Variants in ATP6V0E2 observed in about 807,000 individuals in gnomAD.
The protein encoded by ATP6V0E2 is ATPase H+ transporting V0 subunit e2.
ATP6V0E2 carries 4 observed loss-of-function variants against 11.5 expected under a neutral mutation model. The ratio of observed to expected loss-of-function variants is 0.35; its 90% CI spans 0.17 to 0.80. The LOEUF (loss-of-function observed/expected upper bound fraction) is 0.80, where lower values mean the gene tolerates loss of function less well. Among genes scored for constraint, ATP6V0E2 ranks in the 30% least tolerant of loss-of-function variants. ATP6V0E2 has a pLI of 0.53. For missense variants in ATP6V0E2, 93 were observed against 113.5 expected (o/e 0.82, Z 0.82); for synonymous variants, 52 against 51.0 (o/e 1.02, Z -0.09).
In ATP6V0E2 at chr7:149,874,083, C is replaced by T. The variant is rs1259508582; in HGVS notation, c.18C>T (p.Phe6=). Residue 6 remains phenylalanine (F), a synonymous_variant, in exon 1 of 4, where the codon TTC becomes TTT. Transcript: ENST00000425642. The stretch of plus-strand genomic sequence containing the variant: ...GCCCGGCCATGACGGCGCACTCATT[C>T]GCCCTCCCGGTCATCATCTTCACCA... MTAHS[F]ALPVIIFTTF... 2.6e-6 allele frequency: 4 copies of T among 1,549,914 alleles called. No homozygotes were observed. Among genetic ancestry groups the T allele is most frequent in the Non-Finnish European group, 8.7e-7 (1 of 1,146,654 alleles).
rs902960230 is a variant in ATP6V0E2, at chr7:149,879,063, G to C, written c.*20-272G>C. ...ATTTATTTCATGAAAAGAAAAGGTG[G>C]GGAGGGGACTGAACATCAACTCCCT... On this transcript the variant is annotated intron_variant, in intron 3 of 3. Coordinates refer to ENST00000425642, the MANE Select transcript of ATP6V0E2 (RefSeq NM_145230.4). 2.7e-5 allele frequency: 36 copies of C among 1,352,398 alleles called. 1 individual carries two copies. Among genetic ancestry groups the C allele is most frequent in the Middle Eastern group, 2.4e-4 (1 of 4,094 alleles). The allele number at this position is 1,352,398 out of a possible 1,614,324, so 83.8% of individuals were successfully genotyped here.
rs759772681 is a variant in ATP6V0E2 at position 149,879,385 on chromosome 7, C to T, written c.*70C>T. ...GCTCCACTGTCCCTGACAACCCCTTCGTCCGGACCCTCCCCCACACAACTA... is the reference window on the plus strand; with the variant it reads ...GCTCCACTGTCCCTGACAACCCCTTTGTCCGGACCCTCCCCCACACAACTA... On this transcript the variant is annotated 3_prime_UTR_variant, in exon 4 of 4. Transcript: ENST00000425642. 79 of 1,587,454 alleles carry T rather than the reference C, an allele frequency of 5.0e-5. No homozygotes were observed. Among genetic ancestry groups the T allele is most frequent in the Middle Eastern group, 1.7e-4 (1 of 5,958 alleles).
chr7:149,876,786 G>C (rs1803168399), intron 2 of ATP6V0E2, among the ~76,000 whole-genome samples: 1 of 152,158 alleles, frequency 6.6e-6, no homozygotes, highest in African/African-American at 2.4e-5. Context: ...GTTAAGCTTG[G>C]CATCGTTGGG....
chr7:149,878,218 G>A (rs1482053194), intron 2 of ATP6V0E2, among the ~76,000 whole-genome samples: 1 of 152,218 alleles, frequency 6.6e-6, no homozygotes, highest in Admixed American at 6.5e-5. Context: ...GCCTGAACAG[G>A]AGGCCCCTGA....
upstream of ATP6V0E2, chr7:149,873,765 CG>C: frequency 9.5e-7 from 1 of 1,052,432 alleles, no homozygotes; most frequent in South Asian, 1.9e-5. Context: ...TGTGCGGGCG[CG>C]GGGCTGACGC....
At chr7:149,875,463 C>T in intron 1 of ATP6V0E2, 135 bp from the exon 2 acceptor site, 1 of 835,396 alleles carries the variant, frequency 1.2e-6, no homozygotes, top group Non-Finnish European at 2.0e-6. Flanking sequence ...TAGAACTCAG[C>T]CTCCTGTGTC....
Position 149,879,428 on chromosome 7 carries a change from C to A in ATP6V0E2, c.*113C>A. On this transcript the variant is annotated 3_prime_UTR_variant, in exon 4 of 4. Coordinates refer to ENST00000425642, the MANE Select transcript of ATP6V0E2 (RefSeq NM_145230.4). ...CACAACTATGTCTGGTCACCAGCTC[C>A]CTCCTGCTGGCACCCAGAGACCCGG... 6.2e-7 allele frequency: 1 copy of A among 1,605,150 alleles called. No homozygotes were observed. Among genetic ancestry groups the A allele is most frequent in the African/African-American group, 1.3e-5 (1 of 74,668 alleles).
intron 3 of ATP6V0E2, 95 bp downstream of exon 3, chr7:149,878,885 G>GGA: frequency 1.9e-6 from 1 of 533,902 alleles, no homozygotes; most frequent in African/African-American, 3.5e-5. Context: ...TTTGGATGCG[G>GGA]CCAACCCAGC....
At position 149,875,619 on chromosome 7, in the gene ATP6V0E2, C is replaced by G. The variant is rs747235217; in HGVS notation, c.126C>G (p.Val42=). The stretch of plus-strand genomic sequence containing the variant: ...GCAGAGTGATCATCACCATGCTGGT[C>G]GCCACCGCCGTCTGCTGTTACCTCT... The part of the protein sequence containing the change: ...PNRGVIITML[V]ATAVCCYLFW... Residue 42 remains valine, a synonymous_variant, in exon 2 of 4, where the codon GTC becomes GTG. Transcript: ENST00000425642. 63 of 1,613,792 alleles carry G rather than the reference C, an allele frequency of 3.9e-5. 1 individual carries two copies. In the South Asian group the frequency reaches 6.9e-4, roughly 18 times the overall value.
chr7:149,875,301 A>G (rs935488516), intron 1 of ATP6V0E2, among the ~76,000 whole-genome samples: 22 of 152,196 alleles, frequency 1.4e-4, no homozygotes, highest in Middle Eastern at 3.2e-3. Flanking sequence ...CCTTTCCACA[A>G]CACGTCTGCA....
At chr7:149,873,721 G>A (rs78690754), upstream of ATP6V0E2, 3,776 of 707,964 alleles carry the variant, frequency 5.3e-3, 125 homozygotes, top group East Asian at 0.063. Flanking sequence ...AGCTCCAGGG[G>A]TCTTTGGAAA....
At chr7:149,874,763 C>G (rs757995901) in intron 1 of ATP6V0E2, 4 of 153,652 alleles carry the variant, frequency 2.6e-5, no homozygotes, top group Admixed American at 6.4e-5. Context: ...TGGAGTTTGT[C>G]CAGTTCACCA....
At chr7:149,878,908 C>G (rs1803303095) in intron 3 of ATP6V0E2, 118 bp downstream of exon 3, 1 of 503,804 alleles carries the variant, frequency 2.0e-6, no homozygotes, top group Non-Finnish European at 3.2e-6. Context: ...ATGGCAGGGC[C>G]TGTGTTCCCA....
At chr7:149,877,304 C>T (rs1803206776) in intron 2 of ATP6V0E2, among the ~76,000 whole-genome samples, 1 of 152,208 alleles carries the variant, frequency 6.6e-6, no homozygotes. Flanking sequence ...ATCCTCCCAC[C>T]TCAGCCTAGC....
At chr7:149,873,731 A>G, upstream of ATP6V0E2, 1 of 762,552 alleles carries the variant, frequency 1.3e-6, no homozygotes, top group South Asian at 2.3e-5. Flanking sequence ...GTCTTTGGAA[A>G]TAAGAATGCG....
upstream of ATP6V0E2, chr7:149,873,084 A>T (rs1802922436): frequency 6.6e-6 from 1 of 152,268 alleles, no homozygotes; most frequent in Non-Finnish European, 1.5e-5. Flanking sequence ...CGAAGGAGGA[A>T]AGCAGGCTCC....
In ATP6V0E2 at chr7:149,874,089, C is replaced by A. The variant is rs1424017739; in HGVS notation, c.24C>A (p.Leu8=). MTAHSFA[L]PVIIFTTFWG... ...CCATGACGGCGCACTCATTCGCCCT[C>A]CCGGTCATCATCTTCACCACGTTCT... The change falls in exon 1 of 4, where the codon CTC becomes CTA. Residue 8 remains leucine (L), a synonymous_variant. Transcript: ENST00000425642. The A allele has an allele frequency of 4.5e-6, 7 of 1,549,948 alleles. No homozygotes were observed. In the African/African-American group the frequency reaches 8.2e-5, roughly 18 times the overall value.
At chr7:149,873,868 G>A (rs1028570163), upstream of ATP6V0E2, 2 of 1,461,118 alleles carry the variant, frequency 1.4e-6, no homozygotes, top group Non-Finnish European at 9.0e-7. Context: ...CAATCAGCGA[G>A]TGGGCTCCTA....
chr7:149,873,931 G>T (rs1421651685), upstream of ATP6V0E2: 7 of 1,527,426 alleles, frequency 4.6e-6, no homozygotes, highest in African/African-American at 1.4e-5. Flanking sequence ...GCGCGTGCGC[G>T]GCCCGGCCCG....
Sources: allele counts gnomAD v4.1 joint callset (sites outside exome capture counted in the v4.1 genomes callset), GRCh38; gene constraint gnomAD v4.1.1; transcripts MANE v1.5; gene names NCBI Gene and HGNC (gene_info 2026-07-23, HGNC 2026-07-21).